ANKRD46: variants seen among roughly 807,000 people sequenced by gnomAD.
ANKRD46 encodes the protein ankyrin repeat domain 46.
A neutral mutation model predicts 19.8 loss-of-function variants in ANKRD46; 13 were observed. The ratio of observed to expected loss-of-function variants is 0.66; its 90% CI spans 0.43 to 1.04. The LOEUF (loss-of-function observed/expected upper bound fraction) is 1.04, where lower values mean the gene tolerates loss of function less well. Among genes scored for constraint, ANKRD46 ranks in the 50% least tolerant of loss-of-function variants. ANKRD46 has a pLI of 0.00. For synonymous variants in ANKRD46, 91 were observed against 106.9 expected (o/e 0.85, Z 0.92); for missense variants, 185 against 274.8 (o/e 0.67, Z 2.31).
intron 1 of ANKRD46, chr8:100,551,397 T>C (rs946702565): frequency 3.3e-6 from 2 of 608,624 alleles, no homozygotes; most frequent in African/African-American, 1.8e-5. Flanking sequence ...GCCCCAGCCT[T>C]CTCTATGGTC....
Position 100,559,069 on chromosome 8 carries a change from C to T in ANKRD46, c.-131+642G>A, listed in dbSNP as rs900282165. On this transcript the variant is annotated intron_variant, in intron 1 of 4. Coordinates refer to ENST00000335659, the MANE Select transcript of ANKRD46 (RefSeq NM_001270377.2). This position sits in a 1 kb window ranked among gnomAD's most constrained non-coding sequence, Gnocchi z 6.0. ...ATGTTCTGTAGCCAATTCCGAATAC[C>T]GTGGAACGTTACAAAAAACAGATGT... 2.0e-5 allele frequency: 3 copies of T among 151,882 alleles called. No individual in the cohort carries two copies. The highest frequency in any genetic ancestry group is 1.3e-4 in the Admixed American group (2 of 15,246). The allele number at this position is 151,882 out of a possible 1,614,324, so 9.4% of individuals were successfully genotyped here.
intron 5 of ANKRD46, among the ~76,000 whole-genome samples, chr8:100,513,526 T>C (rs1811582138): frequency 6.6e-6 from 1 of 152,256 alleles, no homozygotes; most frequent in Non-Finnish European, 1.5e-5. Context: ...TCAGTTCATA[T>C]TAAGTTGGGA....
chr8:100,534,516 T>C lies in ANKRD46; in HGVS notation c.-130-1205A>G, dbSNP rs571563046. On this transcript the variant is annotated intron_variant, in intron 1 of 4. Coordinates refer to ENST00000335659, the MANE Select transcript of ANKRD46 (RefSeq NM_001270377.2). This position sits in a 1 kb window ranked among gnomAD's most constrained non-coding sequence, Gnocchi z 4.2. ...GTATTCACCCAAAGCCTAATATTTT[T>C]CCTCTCTTGTCCTGACCTCTAGAGC... Among the ~76,000 whole-genome samples, 4 of 152,236 alleles carry C rather than the reference T, an allele frequency of 2.6e-5. No individual in the cohort carries two copies. The highest frequency in any genetic ancestry group is 5.9e-5 in the Non-Finnish European group (4 of 68,042).
At position 100,545,967 on chromosome 8, in the gene ANKRD46, TAAGCAGCA is replaced by T. The variant is rs1273106989; in HGVS notation, c.-130-12664_-130-12657del. On this transcript the variant is annotated intron_variant, in intron 1 of 4. Coordinates refer to ENST00000335659, the MANE Select transcript of ANKRD46 (RefSeq NM_001270377.2). This position sits in a 1 kb window ranked among gnomAD's most constrained non-coding sequence, Gnocchi z 4.7. ...TAGGGTATCTGGCAGAAGAAATTTC[TAAGCAGCA>T]AAGCATTAAAGATGTGGCCTTGATT... Among the ~76,000 whole-genome samples the T allele has an allele frequency of 6.6e-6, 1 of 152,234 alleles. No homozygotes were observed. Among genetic ancestry groups the T allele is most frequent in the Non-Finnish European group, 1.5e-5 (1 of 68,038 alleles).
At chr8:100,520,216 T>C (rs1229936603), downstream of ANKRD46, among the ~76,000 whole-genome samples, 2 of 152,064 alleles carry the variant, frequency 1.3e-5, no homozygotes, top group Admixed American at 1.3e-4. Context: ...ACTGGGAAGA[T>C]GTGTAAGAAA....
rs1811864992 is a variant in ANKRD46 at position 100,527,535 on chromosome 8, G to A, written c.470+310C>T. Among the ~76,000 whole-genome samples the A allele has an allele frequency of 6.6e-6, 1 of 152,160 alleles. No homozygotes were observed. Among genetic ancestry groups the A allele is most frequent in the Non-Finnish European group, 1.5e-5 (1 of 68,042 alleles). On this transcript the variant is annotated intron_variant, in intron 4 of 4. Coordinates refer to ENST00000335659, the MANE Select transcript of ANKRD46 (RefSeq NM_001270377.2). This position sits in a 1 kb window ranked among gnomAD's most constrained non-coding sequence, Gnocchi z 4.0. ...CTGTCAATACAGCAGGTGGCTAACA[G>A]AACATTATGCGCACATGACATGTAG...
At chr8:100,518,941 A>G (rs1445508847), downstream of ANKRD46, among the ~76,000 whole-genome samples, 1 of 152,244 alleles carries the variant, frequency 6.6e-6, no homozygotes, top group East Asian at 1.9e-4. Context: ...TTAGGTTCAG[A>G]TATCTAAAAT....
At chr8:100,555,239 G>A (rs532106149) in intron 1 of ANKRD46, among the ~76,000 whole-genome samples, 2 of 151,640 alleles carry the variant, frequency 1.3e-5, no homozygotes, top group South Asian at 2.1e-4. Context: ...TATAGTCTCA[G>A]AAGTTCTTTC....
intron 1 of ANKRD46, among the ~76,000 whole-genome samples, chr8:100,539,488 CA>C (rs1812132160): frequency 6.6e-6 from 1 of 152,168 alleles, no homozygotes; most frequent in Admixed American, 6.5e-5. Flanking sequence ...TCAATAATAA[CA>C]GAAGTTCAAA....
rs1181561397 is a variant in ANKRD46, at chr8:100,546,483, T to C, written c.-130-13172A>G. ...CCTGTAGGTGTGCAGAAGACAGGAG[T>C]TGAGCTTTGGGAACCTCTGCCTAGA... On this transcript the variant is annotated intron_variant, in intron 1 of 4. Transcript: ENST00000335659. The surrounding 1 kb of genome is among the most constrained non-coding windows in gnomAD (Gnocchi z 4.0). 1.3e-5 allele frequency among the ~76,000 whole-genome samples: 2 copies of C among 152,090 alleles called. No individual in the cohort carries two copies. The highest frequency in any genetic ancestry group is 2.4e-5 in the African/African-American group (1 of 41,396).
Position 100,514,617 on chromosome 8 carries a change from C to CTTTTTTTTTTTTTT in ANKRD46, c.637-3992_637-3979dup, listed in dbSNP as rs35216029. Among the ~76,000 whole-genome samples the CTTTTTTTTTTTTTT allele has an allele frequency of 6.3e-3, 469 of 74,036 alleles. 99 individuals are homozygous for CTTTTTTTTTTTTTT. Among genetic ancestry groups the CTTTTTTTTTTTTTT allele is most frequent in the African/African-American group, 9.0e-3 (161 of 17,836 alleles). 48.6% of individuals were successfully genotyped at this position (74,036 alleles called of 152,430 possible). Reference sequence around the variant, plus strand: ...TGAGTGTGGGTTATTCCTCCATCTTCTTTTTTTTTTTTTTTTTTTTTTGAG... The same window carrying CTTTTTTTTTTTTTT: ...TGAGTGTGGGTTATTCCTCCATCTTCTTTTTTTTTTTTTTTTTTTTTTTTTTTTTTTTTTTTGAG... On this transcript the variant is annotated intron_variant, in intron 5 of 5. Coordinates refer to the ANKRD46 transcript ENST00000520552.
At chr8:100,549,119 T>C (rs1305388656) in intron 1 of ANKRD46, among the ~76,000 whole-genome samples, 2 of 5,678 alleles carry the variant, frequency 3.5e-4, no homozygotes, top group African/African-American at 2.8e-3. Flanking sequence ...TTAATGCTGT[T>C]TTTTTTTTTT....
intron 1 of ANKRD46, among the ~76,000 whole-genome samples, chr8:100,540,195 TAA>T (rs57942001): frequency 6.8e-6 from 1 of 147,726 alleles, no homozygotes. Flanking sequence ...ATTTCATGAG[TAA>T]AAAAAAAAAA....
At chr8:100,513,520 T>C (rs1438872383) in intron 5 of ANKRD46, among the ~76,000 whole-genome samples, 2 of 152,234 alleles carry the variant, frequency 1.3e-5, no homozygotes, top group East Asian at 3.8e-4. Context: ...TCAAGGTCAG[T>C]TCATATTAAG....
At chr8:100,523,447 TG>T (rs1026933131) in intron 4 of ANKRD46, among the ~76,000 whole-genome samples, 20 of 148,750 alleles carry the variant, frequency 1.3e-4, no homozygotes, top group African/African-American at 4.4e-4. Flanking sequence ...AAATGTCTGT[TG>T]GGGGGAGGGG....
chr8:100,529,424 A>T lies in ANKRD46; in HGVS notation c.311+99T>A. On this transcript the variant is annotated intron_variant, in intron 3 of 4. Coordinates refer to ENST00000335659, the MANE Select transcript of ANKRD46 (RefSeq NM_001270377.2). The surrounding 1 kb of genome is among the most constrained non-coding windows in gnomAD (Gnocchi z 5.8). ...ATGCTTTCTGAACTTATTTCAACTG[A>T]TTAATGAGGAAACAAAACCAACAGA... 1 of 1,249,900 alleles carries T rather than the reference A, an allele frequency of 8.0e-7. No individual in the cohort carries two copies. The highest frequency in any genetic ancestry group is 1.1e-6 in the Non-Finnish European group (1 of 907,606). 77.4% of individuals were successfully genotyped at this position (1,249,900 alleles called of 1,614,324 possible).
intron 1 of ANKRD46, among the ~76,000 whole-genome samples, chr8:100,539,636 T>C (rs1812135227): frequency 6.6e-6 from 1 of 152,256 alleles, no homozygotes; most frequent in African/African-American, 2.4e-5. Flanking sequence ...TGGCTGTGTC[T>C]AAAATTCTTA....
downstream of ANKRD46, among the ~76,000 whole-genome samples, chr8:100,517,994 C>T (rs182003841): frequency 1.5e-4 from 23 of 152,276 alleles, no homozygotes; most frequent in East Asian, 4.4e-3. Context: ...AGTTCAAGAA[C>T]AGCCTGGCCA....
Position 100,535,722 on chromosome 8 carries a change from C to A in ANKRD46, c.-130-2411G>T, listed in dbSNP as rs142185730. 6.3e-4 allele frequency among the ~76,000 whole-genome samples: 96 copies of A among 152,264 alleles called. 1 individual carries two copies. The highest frequency in any genetic ancestry group is 2.1e-3 in the African/African-American group (89 of 41,558). ...TTCTCTGGAGATTCATCCAGGGTAG[C>A]TGTGTGTATCCATAGTTTGTCCCTT... On this transcript the variant is annotated intron_variant, in intron 1 of 4. Coordinates refer to ENST00000335659, the MANE Select transcript of ANKRD46 (RefSeq NM_001270377.2).
Sources: allele counts gnomAD v4.1 joint callset (sites outside exome capture counted in the v4.1 genomes callset), GRCh38; gene constraint gnomAD v4.1.1; non-coding constraint Gnocchi (gnomAD v3.1); transcripts MANE v1.5; gene names NCBI Gene and HGNC (gene_info 2026-07-23, HGNC 2026-07-21).